MPPED2: variants seen among roughly 807,000 people sequenced by gnomAD.
MPPED2 encodes the protein metallophosphoesterase domain containing 2.
A neutral mutation model predicts 33.0 loss-of-function variants in MPPED2; 5 were observed. The ratio of observed to expected loss-of-function variants is 0.15; its 90% CI spans 0.08 to 0.32. The LOEUF (loss-of-function observed/expected upper bound fraction) is 0.32. Ranked by LOEUF, MPPED2 falls within the 10% of genes least tolerant of loss-of-function variation. The probability of loss-of-function intolerance (pLI) is 1.00; values close to 1 mark genes in which losing one functional copy is unlikely to be tolerated. For synonymous variants in MPPED2, 136 were observed against 141.9 expected (o/e 0.96, Z 0.29); for missense variants, 275 against 372.1 (o/e 0.74, Z 2.15).
At chr11:30,524,407 A>G (rs1954051823) in intron 3 of MPPED2, among the ~76,000 whole-genome samples, 1 of 152,190 alleles carries the variant, frequency 6.6e-6, no homozygotes, top group Non-Finnish European at 1.5e-5. Flanking sequence ...AGAGCTCTGA[A>G]TACCACAGTA....
chr11:30,527,082 C>T (rs549599162), intron 3 of MPPED2, among the ~76,000 whole-genome samples: 10 of 151,842 alleles, frequency 6.6e-5, no homozygotes, highest in East Asian at 2.0e-4. Flanking sequence ...CCCACCACCA[C>T]GCCCAGCTAA....
At chr11:30,439,042 C>G (rs1004903279) in intron 4 of MPPED2, among the ~76,000 whole-genome samples, 18 of 152,230 alleles carry the variant, frequency 1.2e-4, no homozygotes, top group African/African-American at 3.9e-4. Context: ...TTACAAGAAA[C>G]TCATAGAAAG....
chr11:30,388,318 A>C (rs1021920073), exon 7 of MPPED2: 1 of 152,350 alleles, frequency 6.6e-6, no homozygotes, highest in African/African-American at 2.4e-5. Flanking sequence ...GCCGCACACA[A>C]TTCAGGGGCA....
intron 3 of MPPED2, among the ~76,000 whole-genome samples, chr11:30,526,898 TA>T (rs1206237381): frequency 6.6e-6 from 1 of 151,962 alleles, no homozygotes; most frequent in African/African-American, 2.4e-5. Flanking sequence ...TATTTTTTTT[TA>T]TTTTTTTAAT....
intron 2 of MPPED2, among the ~76,000 whole-genome samples, chr11:30,577,946 T>A (rs913577106): frequency 2.6e-5 from 4 of 152,026 alleles, no homozygotes; most frequent in African/African-American, 9.7e-5. Flanking sequence ...AAGCCTTTCT[T>A]TAAGAAGTAA....
intron 2 of MPPED2, among the ~76,000 whole-genome samples, chr11:30,536,833 C>T (rs1954839593): frequency 1.3e-5 from 2 of 151,808 alleles, no homozygotes; most frequent in South Asian, 2.1e-4. Flanking sequence ...TTGTCAAACT[C>T]GTTTTTACTG....
chr11:30,541,916 T>C (rs1202811576), intron 2 of MPPED2, among the ~76,000 whole-genome samples: 1 of 152,208 alleles, frequency 6.6e-6, no homozygotes, highest in Non-Finnish European at 1.5e-5. Flanking sequence ...CTAAAAACTT[T>C]CCAATGTGAT....
chr11:30,568,157 T>C (rs1956528659), intron 2 of MPPED2, among the ~76,000 whole-genome samples: 1 of 152,228 alleles, frequency 6.6e-6, no homozygotes, highest in Admixed American at 6.5e-5. Flanking sequence ...AAGCATTATC[T>C]TCTATAACCC....
At chr11:30,526,460 A>C (rs765025040) in intron 3 of MPPED2, among the ~76,000 whole-genome samples, 4 of 152,228 alleles carry the variant, frequency 2.6e-5, no homozygotes, top group Middle Eastern at 3.2e-3. Flanking sequence ...TTAAAAGTAT[A>C]GCATTTTAGA....
chr11:30,402,788 A>C (rs1008474038), intron 6 of MPPED2, among the ~76,000 whole-genome samples: 1 of 152,186 alleles, frequency 6.6e-6, no homozygotes, highest in Non-Finnish European at 1.5e-5. Context: ...CTTCTTTGGG[A>C]AAATGACCTA....
chr11:30,520,088 G>C (rs1024591164), intron 3 of MPPED2, among the ~76,000 whole-genome samples: 2 of 152,110 alleles, frequency 1.3e-5, no homozygotes, highest in African/African-American at 2.4e-5. Flanking sequence ...AAGGATAAGT[G>C]AGATTCATAA....
intron 3 of MPPED2, among the ~76,000 whole-genome samples, chr11:30,520,218 A>ATTTT (rs1284911318): frequency 6.6e-6 from 1 of 152,214 alleles, no homozygotes; most frequent in Admixed American, 6.5e-5. Flanking sequence ...AAAATGTAAA[A>ATTTT]AATGTAAAAA....
At chr11:30,573,580 T>C (rs978221784) in intron 2 of MPPED2, among the ~76,000 whole-genome samples, 3 of 152,168 alleles carry the variant, frequency 2.0e-5, no homozygotes, top group Admixed American at 6.5e-5. Context: ...TGGGACAAGA[T>C]GTGCAGGTGG....
At chr11:30,435,400 C>T (rs111743577) in intron 4 of MPPED2, among the ~76,000 whole-genome samples, 1 of 152,156 alleles carries the variant, frequency 6.6e-6, no homozygotes, top group African/African-American at 2.4e-5. Flanking sequence ...TTCCAAAAGT[C>T]AGGTTTTTAC....
In MPPED2 at chr11:30,475,947, T is replaced by G. The variant is rs11031109; in HGVS notation, c.536+19349A>C. 6.8e-3 allele frequency among the ~76,000 whole-genome samples: 1,034 copies of G among 152,268 alleles called. 10 individuals carry two copies. Among genetic ancestry groups the G allele is most frequent in the African/African-American group, 0.024 (990 of 41,578 alleles). On this transcript the variant is annotated intron_variant, in intron 4 of 6. Coordinates refer to ENST00000358117, the MANE Select transcript of MPPED2 (RefSeq NM_001584.3). ...TAAATTTTAGCCATTCTATTGTGTG[T>G]GCAGTGGTATCTTGCTATGGTTTTA...
intron 6 of MPPED2, among the ~76,000 whole-genome samples, chr11:30,390,979 G>A (rs900792935): frequency 6.6e-6 from 1 of 152,180 alleles, no homozygotes; most frequent in African/African-American, 2.4e-5. Context: ...CAGATTCAAA[G>A]GTGTGGAGAA....
In MPPED2 at chr11:30,569,525, G is replaced by T. The variant is rs1388658666; in HGVS notation, c.128+10721C>A. On this transcript the variant is annotated intron_variant, in intron 2 of 6. Coordinates refer to ENST00000358117, the MANE Select transcript of MPPED2 (RefSeq NM_001584.3). ...AAAATGTATGGGTGAAGAATAAAGT[G>T]AAAACAAGTTAACCTGTAAAAGTCA... 2.0e-5 allele frequency among the ~76,000 whole-genome samples: 3 copies of T among 152,120 alleles called. No individual in the cohort carries two copies. The East Asian group carries it at 5.8e-4, about 29-fold the overall frequency.
chr11:30,433,841 A>G (rs754800453), intron 4 of MPPED2, among the ~76,000 whole-genome samples: 16 of 152,154 alleles, frequency 1.1e-4, no homozygotes, highest in Admixed American at 1.3e-4. Context: ...ACCCACATTT[A>G]TTATCTTATA....
intron 4 of MPPED2, among the ~76,000 whole-genome samples, chr11:30,433,811 A>G (rs1442503307): frequency 1.3e-5 from 2 of 152,206 alleles, no homozygotes; most frequent in East Asian, 3.8e-4. Flanking sequence ...TTGGTTTCCT[A>G]TGGCTGCTGT....
Sources: gnomAD v4.1 joint callset for allele counts (sites outside exome capture counted in the v4.1 genomes callset) on GRCh38, gnomAD v4.1.1 for gene constraint, MANE v1.5 for transcripts, NCBI Gene and HGNC (gene_info 2026-07-23, HGNC 2026-07-21) for gene names.